Variants in SLC35D2 observed in about 807,000 individuals in gnomAD.
The protein encoded by SLC35D2 is solute carrier family 35 member D2.
A neutral mutation model predicts 41.8 loss-of-function variants in SLC35D2; 43 were observed. That is an observed-to-expected ratio of 1.03 (90% confidence interval 0.81 to 1.33). The LOEUF (loss-of-function observed/expected upper bound fraction) is 1.33. Among genes scored for constraint, SLC35D2 ranks in the 40% most tolerant of loss-of-function variants. The pLI is 0.00. For synonymous variants in SLC35D2, 150 were observed against 163.9 expected (o/e 0.92, Z 0.65); for missense variants, 380 against 408.4 (o/e 0.93, Z 0.60).
At chr9:96,334,780 C>T (rs962355949) in intron 9 of SLC35D2, among the ~76,000 whole-genome samples, 1 of 152,102 alleles carries the variant, frequency 6.6e-6, no homozygotes, top group African/African-American at 2.4e-5. Flanking sequence ...CTGGGATTGT[C>T]AGATACAGAA....
intron 7 of SLC35D2, among the ~76,000 whole-genome samples, chr9:96,344,692 C>A (rs1368921413): frequency 3.5e-5 from 4 of 114,136 alleles, no homozygotes; most frequent in Non-Finnish European, 6.6e-5. Flanking sequence ...ACTCATCCTC[C>A]GGGCTTCCTT....
At chr9:96,371,718 C>CTTTTTTTTT (rs774105070) in intron 1 of SLC35D2, among the ~76,000 whole-genome samples, 1 of 90,590 alleles carries the variant, frequency 1.1e-5, no homozygotes, top group African/African-American at 5.1e-5. Context: ...AACTAAATTT[C>CTTTTTTTTT]TTTTTTTTTT....
At chr9:96,367,593 G>C (rs1434765147) in intron 2 of SLC35D2, among the ~76,000 whole-genome samples, 1 of 152,056 alleles carries the variant, frequency 6.6e-6, no homozygotes, top group Non-Finnish European at 1.5e-5. Context: ...GACCAGCCTA[G>C]CTAACATGGC....
At chr9:96,372,574 C>CTTT (rs71368250) in intron 1 of SLC35D2, among the ~76,000 whole-genome samples, 36 of 90,168 alleles carry the variant, frequency 4.0e-4, no homozygotes, top group Non-Finnish European at 5.4e-4. Flanking sequence ...TAAATAATTA[C>CTTT]TTTTTTTTTT....
At chr9:96,334,415 A>G (rs1828955040) in intron 9 of SLC35D2, among the ~76,000 whole-genome samples, 1 of 152,188 alleles carries the variant, frequency 6.6e-6, no homozygotes, top group East Asian at 1.9e-4. Flanking sequence ...AGGCAGGTGG[A>G]TCACCTGAGG....
intron 3 of SLC35D2, among the ~76,000 whole-genome samples, chr9:96,360,967 T>A (rs1830249400): frequency 1.3e-5 from 2 of 152,112 alleles, no homozygotes; most frequent in Admixed American, 1.3e-4. Flanking sequence ...GGTCTCGAAC[T>A]CCTGGTCTCA....
At chr9:96,367,600 T>C (rs776639872) in intron 2 of SLC35D2, among the ~76,000 whole-genome samples, 8 of 152,070 alleles carry the variant, frequency 5.3e-5, no homozygotes, top group Admixed American at 3.3e-4. Context: ...CTAGCTAACA[T>C]GGCGAAACCC....
chr9:96,343,571 AT>A (rs1829436449), intron 8 of SLC35D2, among the ~76,000 whole-genome samples: 2 of 152,188 alleles, frequency 1.3e-5, no homozygotes, highest in Non-Finnish European at 2.9e-5. Context: ...ATGTTTTAAA[AT>A]GATCAAAATC....
intron 8 of SLC35D2, among the ~76,000 whole-genome samples, chr9:96,338,389 A>C (rs1829149970): frequency 6.6e-6 from 1 of 152,190 alleles, no homozygotes; most frequent in African/African-American, 2.4e-5. Flanking sequence ...TCTCAAAAGG[A>C]TACACATGAC....
chr9:96,344,738 G>A (rs1358779042), intron 7 of SLC35D2, among the ~76,000 whole-genome samples: 3 of 149,912 alleles, frequency 2.0e-5, no homozygotes, highest in Non-Finnish European at 1.5e-5. Flanking sequence ...TGGGGGAGGG[G>A]GAGGGATGGG....
chr9:96,337,442 T>A (rs1177722863), intron 8 of SLC35D2, among the ~76,000 whole-genome samples: 4 of 151,612 alleles, frequency 2.6e-5, no homozygotes, highest in African/African-American at 9.7e-5. Flanking sequence ...GGTCTCAAAC[T>A]CCTGGGCTCA....
intron 1 of SLC35D2, among the ~76,000 whole-genome samples, chr9:96,374,522 G>C (rs1830849064): frequency 7.9e-6 from 1 of 126,406 alleles, no homozygotes; most frequent in African/African-American, 3.1e-5. Context: ...GACAAAGCGA[G>C]ACTCCGTCTC....
chr9:96,348,000 T>C (rs1424370986), intron 6 of SLC35D2, among the ~76,000 whole-genome samples: 1 of 152,158 alleles, frequency 6.6e-6, no homozygotes, highest in Non-Finnish European at 1.5e-5. Context: ...GAAATAACCA[T>C]TAAAAATGGG....
At chr9:96,382,053 AC>A (rs1176259142) in intron 1 of SLC35D2, among the ~76,000 whole-genome samples, 6 of 152,182 alleles carry the variant, frequency 3.9e-5, no homozygotes, top group African/African-American at 1.4e-4. Context: ...CAGAGCAGGG[AC>A]CTTGTGCTGT....
chr9:96,337,405 A>T (rs111763362), intron 8 of SLC35D2, among the ~76,000 whole-genome samples: 5,300 of 151,332 alleles, frequency 0.035, 304 homozygotes, highest in African/African-American at 0.12. Context: ...TTAAGTAGAG[A>T]CAGGGTCTCA....
intron 1 of SLC35D2, chr9:96,373,921 T>G (rs1830823292): frequency 6.6e-6 from 1 of 152,180 alleles, no homozygotes. Flanking sequence ...AATGATACAA[T>G]GTAGGAGAAT....
chr9:96,340,776 A>G (rs1428239103), intron 8 of SLC35D2, among the ~76,000 whole-genome samples: 1 of 152,014 alleles, frequency 6.6e-6, no homozygotes, highest in African/African-American at 2.4e-5. Flanking sequence ...TTGAAAAACA[A>G]ATCTATATAG....
intron 6 of SLC35D2, 56 bp downstream of exon 6, chr9:96,351,047 G>A (rs10990679): frequency 0.019 from 24,242 of 1,260,374 alleles, 317 homozygotes; most frequent in Non-Finnish European, 0.024. Flanking sequence ...GATGGGGCTG[G>A]GCCTATTGTC....
intron 1 of SLC35D2, among the ~76,000 whole-genome samples, chr9:96,382,485 ACACACACACAC>A (rs1278656289): frequency 1.0e-4 from 15 of 144,550 alleles, no homozygotes; most frequent in African/African-American, 3.3e-4. Context: ...ACACACACAC[ACACACACACAC>A]TATATATATA....
Sources: allele counts gnomAD v4.1 joint callset (sites outside exome capture counted in the v4.1 genomes callset), GRCh38; gene constraint gnomAD v4.1.1; transcripts MANE v1.5; gene names NCBI Gene and HGNC (gene_info 2026-07-23, HGNC 2026-07-21).